The following NINL variants were observed in gnomAD, a reference collection of about 807,000 sequenced individuals.
NINL encodes the protein ninein like.
A neutral mutation model predicts 160.3 loss-of-function variants in NINL; 153 were observed. The observed-to-expected ratio is 0.95, with a 90% CI of 0.84 to 1.09. The LOEUF (loss-of-function observed/expected upper bound fraction) is 1.09, where lower values mean the gene tolerates loss of function less well. Ranked by LOEUF, NINL falls within the 50% of genes least tolerant of loss-of-function variation. NINL has a pLI of 0.00. For missense variants in NINL, 1,829 were observed against 1,764.0 expected (o/e 1.04, Z -0.66); for synonymous variants, 800 against 734.8 (o/e 1.09, Z -1.43).
At position 25,504,039 on chromosome 20, in the gene NINL, G is replaced by C; in HGVS notation, c.774C>G (p.Phe258Leu). 1 of 1,611,338 alleles carries C rather than the reference G, an allele frequency of 6.2e-7. No homozygotes were observed. The highest frequency in any genetic ancestry group is 8.5e-7 in the Non-Finnish European group (1 of 1,179,022). The change falls in exon 7 of 24, where the codon TTC becomes TTG. Residue 258 changes from phenylalanine (F) to leucine (L), a missense_variant. Phe to Leu is a conservative substitution (Grantham distance 22). Coordinates refer to ENST00000278886, the MANE Select transcript of NINL (RefSeq NM_025176.6). Reference protein sequence around the residue: ...DGDGKVSLEEFQLGLFSHEPA... With the variant: ...DGDGKVSLEELQLGLFSHEPA... ...GCTCATGACTGAAGAGGCCAAGCTGGAATTCCTCAAGACTCACTTTGCCGT... is the reference window on the plus strand; with the variant it reads ...GCTCATGACTGAAGAGGCCAAGCTGCAATTCCTCAAGACTCACTTTGCCGT...
chr20:25,476,744 C>CA lies in NINL; in HGVS notation c.2546dup (p.Arg850AlafsTer16). On this transcript the variant is annotated frameshift_variant, in exon 17 of 24. Coordinates refer to ENST00000278886, the MANE Select transcript of NINL (RefSeq NM_025176.6). LOFTEE classifies it high-confidence loss of function. The stretch of plus-strand genomic sequence containing the variant: ...GTGGCCGCTCCCCACAGCCCGGACG[C>CA]AGTGGTAGGAGGCCACGTGTGCCCT... 1.2e-6 allele frequency: 2 copies of CA among 1,608,132 alleles called. No individual in the cohort carries two copies. The highest frequency in any genetic ancestry group is 1.7e-6 in the Non-Finnish European group (2 of 1,179,568).
At chr20:25,539,117 A>G (rs1236027450) in intron 1 of NINL, among the ~76,000 whole-genome samples, 1 of 152,140 alleles carries the variant, frequency 6.6e-6, no homozygotes, top group Non-Finnish European at 1.5e-5. Context: ...CCCAGAATCC[A>G]GTGTCCAATT....
intron 1 of NINL, among the ~76,000 whole-genome samples, chr20:25,561,998 C>T (rs1451594685): frequency 2.1e-5 from 3 of 144,688 alleles, no homozygotes; most frequent in Non-Finnish European, 4.6e-5. Flanking sequence ...AGGTGAGAGG[C>T]GCCTCTGCCC....
At chr20:25,510,300 G>C (rs1194494708) in intron 5 of NINL, among the ~76,000 whole-genome samples, 1 of 152,264 alleles carries the variant, frequency 6.6e-6, no homozygotes, top group Non-Finnish European at 1.5e-5. Flanking sequence ...CCAGGAAGGA[G>C]GTGCAGGGGC....
At chr20:25,461,117 T>G (rs1466053031) in intron 21 of NINL, among the ~76,000 whole-genome samples, 2 of 152,202 alleles carry the variant, frequency 1.3e-5, no homozygotes, top group Admixed American at 6.5e-5. Context: ...GGCCAGCAGA[T>G]GTGGCACCCG....
At chr20:25,467,173 A>G (rs2062934405) in intron 19 of NINL, among the ~76,000 whole-genome samples, 1 of 152,224 alleles carries the variant, frequency 6.6e-6, no homozygotes. Context: ...ATGATTCTGA[A>G]CATCCTTGGG....
chr20:25,518,695 A>G (rs1020269126), intron 2 of NINL, among the ~76,000 whole-genome samples: 6 of 152,274 alleles, frequency 3.9e-5, no homozygotes, highest in African/African-American at 1.4e-4. Context: ...CTGGATTTAA[A>G]CTGACTATTT....
chr20:25,489,975 C>T lies in NINL; in HGVS notation c.1496G>A (p.Arg499His), dbSNP rs1347083490. 3.7e-6 allele frequency: 6 copies of T among 1,614,040 alleles called. No individual in the cohort carries two copies. Among genetic ancestry groups the T allele is most frequent in the African/African-American group, 2.7e-5 (2 of 75,056 alleles). The change falls in exon 12 of 24, where the codon CGC becomes CAC. Residue 499 changes from arginine (R) to histidine (H), a missense_variant. Physicochemically the swap from Arg to His is conservative, Grantham distance 29. Transcript: ENST00000278886. ...KLTLALKENS[R>H]LQKEIVEVVE... The stretch of plus-strand genomic sequence containing the variant: ...CACTTCCACAATCTCCTTCTGTAGG[C>T]GACTGTTTTCCTAGGAGACACAGGC...
At chr20:25,563,752 T>C (rs570196815) in intron 1 of NINL, among the ~76,000 whole-genome samples, 5 of 152,240 alleles carry the variant, frequency 3.3e-5, no homozygotes, top group African/African-American at 1.2e-4. Flanking sequence ...AGAGAGACTA[T>C]GGAGTAAAGA....
chr20:25,532,644 C>T (rs1321948565), intron 1 of NINL, among the ~76,000 whole-genome samples: 1 of 152,264 alleles, frequency 6.6e-6, no homozygotes, highest in Non-Finnish European at 1.5e-5. Context: ...GTCTCAGACT[C>T]TGCCCAGAGA....
intron 23 of NINL, 148 bp downstream of exon 23, chr20:25,455,525 G>A (rs983540805): frequency 9.7e-6 from 6 of 620,526 alleles, no homozygotes; most frequent in South Asian, 8.0e-5. Context: ...ATAAATGAAT[G>A]TGCACCTGCA....
At chr20:25,469,773 G>C (rs1217224724) in intron 18 of NINL, among the ~76,000 whole-genome samples, 1 of 152,216 alleles carries the variant, frequency 6.6e-6, no homozygotes, top group Non-Finnish European at 1.5e-5. Flanking sequence ...ACACCAAGGA[G>C]CTGGGGCGTT....
chr20:25,462,354 C>T (rs775254397), intron 20 of NINL, 29 bp downstream of exon 20: 1 of 1,507,264 alleles, frequency 6.6e-7, no homozygotes, highest in Non-Finnish European at 8.8e-7. Context: ...CAGCCTCCAG[C>T]TCAGCTCCCT....
Position 25,500,895 on chromosome 20 carries a change from T to C in NINL, c.977A>G (p.Gln326Arg), listed in dbSNP as rs2063854276. The change falls in exon 8 of 24, where the codon CAG becomes CGG. Residue 326 changes from glutamine (Q) to arginine (R), a missense_variant. Gln to Arg is a conservative substitution (Grantham distance 43, BLOSUM62 1). Transcript: ENST00000278886. ...CTCCTGGGTCCACATGGCCAGGACC[T>C]GATCAGGAAAAGCGAAGCCAGAACC... ...DDGSGFAFPD[Q>R]VLAMWTQEGI... 8.1e-6 allele frequency: 13 copies of C among 1,614,168 alleles called. No individual in the cohort carries two copies. In the East Asian group the frequency reaches 2.7e-4, roughly 33 times the overall value.
At chr20:25,472,376 T>A (rs2063126165) in intron 17 of NINL, among the ~76,000 whole-genome samples, 2 of 141,098 alleles carry the variant, frequency 1.4e-5, no homozygotes, top group Non-Finnish European at 3.1e-5. Context: ...TACTTTTTTT[T>A]TGTTTTTGAG....
At chr20:25,568,787 G>C (rs2065021719) in intron 1 of NINL, among the ~76,000 whole-genome samples, 1 of 151,922 alleles carries the variant, frequency 6.6e-6, no homozygotes, top group African/African-American at 2.4e-5. Flanking sequence ...TGAAATTGAA[G>C]AAAGAAATTG....
chr20:25,567,797 T>C (rs1422848270), intron 1 of NINL, among the ~76,000 whole-genome samples: 2 of 152,116 alleles, frequency 1.3e-5, no homozygotes, highest in African/African-American at 4.8e-5. Context: ...AAAATCTCCA[T>C]GCACTTGAAA....
intron 1 of NINL, among the ~76,000 whole-genome samples, chr20:25,544,084 C>G (rs1201002487): frequency 1.6e-5 from 2 of 127,556 alleles, no homozygotes; most frequent in African/African-American, 3.7e-5. Context: ...CTTGGTTCTT[C>G]TTTTTCAAAG....
chr20:25,565,192 CAAAGA>C (rs752347324), intron 1 of NINL, among the ~76,000 whole-genome samples: 6 of 152,284 alleles, frequency 3.9e-5, no homozygotes, highest in Non-Finnish European at 8.8e-5. Context: ...GAAATTCACT[CAAAGA>C]AAAGTAACCA....
Sources: gnomAD v4.1 joint callset for allele counts (sites outside exome capture counted in the v4.1 genomes callset) on GRCh38, gnomAD v4.1.1 for gene constraint, MANE v1.5 for transcripts, NCBI Gene and HGNC (gene_info 2026-07-23, HGNC 2026-07-21) for gene names.